Variants in BEGAIN observed in about 807,000 individuals in gnomAD.
The protein encoded by BEGAIN is brain enriched guanylate kinase associated.
Under a neutral mutation model 35.8 loss-of-function variants are expected in BEGAIN, and 19 were observed. The observed-to-expected ratio is 0.53, with a 90% CI of 0.37 to 0.78. BEGAIN has a LOEUF of 0.78. Among genes scored for constraint, BEGAIN ranks in the 30% least tolerant of loss-of-function variants. BEGAIN has a pLI of 0.00. For synonymous variants in BEGAIN, 462 were observed against 388.6 expected (o/e 1.19, Z -2.22); for missense variants, 795 against 853.6 (o/e 0.93, Z 0.85).
intron 6 of BEGAIN, 25 bp downstream of exon 6, chr14:100,540,471 G>T: frequency 1.3e-6 from 2 of 1,552,874 alleles, no homozygotes; most frequent in Non-Finnish European, 1.7e-6. Flanking sequence ...GGGGCGGGGT[G>T]GGCCTGGCTG....
At chr14:100,553,629 G>T (rs1595124846) in intron 2 of BEGAIN, among the ~76,000 whole-genome samples, 2 of 152,110 alleles carry the variant, frequency 1.3e-5, no homozygotes, top group Admixed American at 1.3e-4. Context: ...CCTTCTCTGT[G>T]TGTCCCCAGG....
intron 1 of BEGAIN, among the ~76,000 whole-genome samples, chr14:100,580,876 G>A (rs1465160718): frequency 6.6e-6 from 1 of 152,152 alleles, no homozygotes; most frequent in Non-Finnish European, 1.5e-5. Flanking sequence ...CCTGGTGTGG[G>A]CCTACTGTGA....
intron 5 of BEGAIN, 78 bp from the exon 6 acceptor site, chr14:100,540,657 G>A (rs2140451117): frequency 3.6e-6 from 4 of 1,124,466 alleles, no homozygotes; most frequent in South Asian, 2.7e-5. Context: ...CAAGTGGCCA[G>A]CGGGGGCAGT....
chr14:100,560,299 G>C (rs1341898993), intron 2 of BEGAIN, among the ~76,000 whole-genome samples: 1 of 152,230 alleles, frequency 6.6e-6, no homozygotes, highest in African/African-American at 2.4e-5. Flanking sequence ...CCTCAGAGCT[G>C]CTCCAGATGA....
At chr14:100,585,415 CCCATCCATCCATCCAT>C (rs71113272) in intron 1 of BEGAIN, among the ~76,000 whole-genome samples, 14 of 66,058 alleles carry the variant, frequency 2.1e-4, no homozygotes, top group South Asian at 8.8e-4. Context: ...CTCCCTCCCT[CCCATCCATCCATCCAT>C]CCATCCATCC....
intron 1 of BEGAIN, chr14:100,578,018 G>A: frequency 2.5e-6 from 1 of 398,840 alleles, no homozygotes; most frequent in Non-Finnish European, 4.4e-6. Context: ...TCCTCCCATG[G>A]GGCTGGGATC....
intron 1 of BEGAIN, chr14:100,569,179 A>G (rs72631667): frequency 0.2 from 30,689 of 153,022 alleles, 3,904 homozygotes; most frequent in East Asian, 0.57. Flanking sequence ...AGGCAGCTGG[A>G]CGAGGCGCTC....
At chr14:100,556,238 C>G (rs58854722) in intron 2 of BEGAIN, among the ~76,000 whole-genome samples, 1,728 of 152,278 alleles carry the variant, frequency 0.011, 33 homozygotes, top group African/African-American at 0.039. Context: ...GATGACCTGG[C>G]TGGCCGCGCC....
chr14:100,577,169 G>A (rs2035220487), intron 1 of BEGAIN: 2 of 397,580 alleles, frequency 5.0e-6, no homozygotes, highest in African/African-American at 2.1e-5. Context: ...TCACCTTAGA[G>A]ATTCATTCTT....
rs2034405471 is a variant in BEGAIN at position 100,563,030 on chromosome 14, GA to G, written c.71+4880del. The stretch of plus-strand genomic sequence containing the variant: ...ACTTGGGTGGGAGAGGGTGCCCTTT[GA>G]GGGGGGGCGTGGAGGGGCAGGGCAG... On this transcript the variant is annotated intron_variant, in intron 2 of 6. Coordinates refer to ENST00000554140, the MANE Select transcript of BEGAIN (RefSeq NM_001385089.1). The surrounding 1 kb of genome is among the most constrained non-coding windows in gnomAD (Gnocchi z 4.2). 1.3e-5 allele frequency among the ~76,000 whole-genome samples: 2 copies of G among 152,182 alleles called. No individual in the cohort carries two copies. Among genetic ancestry groups the G allele is most frequent in the African/African-American group, 4.8e-5 (2 of 41,440 alleles).
chr14:100,571,160 C>G (rs539110656), intron 1 of BEGAIN, among the ~76,000 whole-genome samples: 2 of 152,326 alleles, frequency 1.3e-5, no homozygotes, highest in East Asian at 3.9e-4. Flanking sequence ...CAACACACCT[C>G]TCCCCACCGT....
At chr14:100,576,652 G>A (rs1462875266) in intron 1 of BEGAIN, among the ~76,000 whole-genome samples, 1 of 152,194 alleles carries the variant, frequency 6.6e-6, no homozygotes, top group Admixed American at 6.5e-5. Context: ...ACCCTCCCTG[G>A]CCCAGGGGAC....
In BEGAIN at chr14:100,568,518, T is replaced by C. The variant is rs560355949; in HGVS notation, c.43-579A>G. On this transcript the variant is annotated intron_variant, in intron 1 of 6. Coordinates refer to ENST00000554140, the MANE Select transcript of BEGAIN (RefSeq NM_001385089.1). The surrounding 1 kb of genome is among the most constrained non-coding windows in gnomAD (Gnocchi z 7.5). ...CCCGCTGCCCTCAGATTCTGGGGTT[T>C]TGGGCCTGGCTTGCCCCTCCCGGGC... 4.7e-4 allele frequency: 608 copies of C among 1,286,796 alleles called. 7 individuals are homozygous for C. In the African/African-American group the frequency reaches 6.3e-3, roughly 13 times the overall value. The allele number at this position is 1,286,796 out of a possible 1,614,324, so 79.7% of individuals were successfully genotyped here. A position where few individuals can be genotyped will look rare whatever the true frequency, so the allele number is the denominator to read the frequency against.
In BEGAIN at chr14:100,568,857, C is replaced by G. The variant is rs1292697990; in HGVS notation, c.43-918G>C. 1.0e-6 allele frequency: 1 copy of G among 986,742 alleles called. No homozygotes were observed. The highest frequency in any genetic ancestry group is 1.2e-6 in the Non-Finnish European group (1 of 831,272). The allele number at this position is 986,742 out of a possible 1,614,324, so 61.1% of individuals were successfully genotyped here. ...GTCTTTCTGTGCCGTGACTGGCACT[C>G]AAGGGGGACAGGGGTCCGAGCTCAG... On this transcript the variant is annotated intron_variant, in intron 1 of 6. Transcript: ENST00000554140. This position sits in a 1 kb window ranked among gnomAD's most constrained non-coding sequence, Gnocchi z 7.5.
chr14:100,567,201 G>A lies in BEGAIN; in HGVS notation c.71+710C>T, dbSNP rs2034761988. On this transcript the variant is annotated intron_variant, in intron 2 of 6. Coordinates refer to ENST00000554140, the MANE Select transcript of BEGAIN (RefSeq NM_001385089.1). The surrounding 1 kb of genome is among the most constrained non-coding windows in gnomAD (Gnocchi z 5.1). ...ACGGGAGGGGTGTTCCCAAAGTAGG[G>A]GTCAGGGTGCCAGGGGAAGTCGTGG... is the stretch of plus-strand genomic sequence containing the variant. Among the ~76,000 whole-genome samples, 1 of 152,208 alleles carries A rather than the reference G, an allele frequency of 6.6e-6. No homozygotes were observed. The highest frequency in any genetic ancestry group is 6.5e-5 in the Admixed American group (1 of 15,286).
In BEGAIN at chr14:100,567,879, G is replaced by T; in HGVS notation, c.71+32C>A. 2 of 1,417,884 alleles carry T rather than the reference G, an allele frequency of 1.4e-6. No homozygotes were observed. Among genetic ancestry groups the T allele is most frequent in the Non-Finnish European group, 9.3e-7 (1 of 1,070,578 alleles). 87.8% of individuals were successfully genotyped at this position (1,417,884 alleles called of 1,614,324 possible). A position where few individuals can be genotyped will look rare whatever the true frequency, so the allele number is the denominator to read the frequency against. ...CGCCCTCACCCCCGACCCGGCCCCC[G>T]CGAGCCGCGGCACGGGAGACGCTCC... is the stretch of plus-strand genomic sequence containing the variant. On this transcript the variant is annotated intron_variant, in intron 2 of 6. Transcript: ENST00000554140. The surrounding 1 kb of genome is among the most constrained non-coding windows in gnomAD (Gnocchi z 5.1).
At chr14:100,571,915 C>T (rs1053869795) in intron 1 of BEGAIN, among the ~76,000 whole-genome samples, 8 of 152,186 alleles carry the variant, frequency 5.3e-5, no homozygotes, top group African/African-American at 1.4e-4. Context: ...TCTAAAGCAT[C>T]GGTGAGGCCC....
chr14:100,538,913 C>T lies in BEGAIN; in HGVS notation c.895G>A (p.Ala299Thr), dbSNP rs2031079736. The T allele has an allele frequency of 1.2e-6, 2 of 1,607,564 alleles. No individual in the cohort carries two copies. The highest frequency in any genetic ancestry group is 2.7e-5 in the African/African-American group (2 of 74,938). Reference protein sequence around the residue: ...EEEAEAAAFPAGFQHEAFPSY... With the variant: ...EEEAEAAAFPTGFQHEAFPSY... Reference sequence around the variant, plus strand: ...GGGAAGGCCTCATGCTGGAAGCCCGCCGGGAAGGCCGCCGCCTCGGCCTCC... The same window carrying T: ...GGGAAGGCCTCATGCTGGAAGCCCGTCGGGAAGGCCGCCGCCTCGGCCTCC... Residue 299 changes from alanine (A) to threonine (T), a missense_variant, in exon 7 of 7, where the codon GCG becomes ACG. Ala to Thr is a moderately conservative substitution (Grantham distance 58). Coordinates refer to ENST00000554140, the MANE Select transcript of BEGAIN (RefSeq NM_001385089.1).
rs747782267 is a variant in BEGAIN at position 100,558,325 on chromosome 14, GCAGCCAGGCA to G, written c.71+9576_71+9585del. Among the ~76,000 whole-genome samples, 167 of 152,250 alleles carry G rather than the reference GCAGCCAGGCA, an allele frequency of 1.1e-3. 1 individual carries two copies. Among genetic ancestry groups the G allele is most frequent in the Non-Finnish European group, 2.0e-3 (135 of 68,012 alleles). The stretch of plus-strand genomic sequence containing the variant: ...AGCCTTCACCTGACCTGCGCCCTCA[GCAGCCAGGCA>G]CATGCTGCCTCTCCCTGCTCCCGCA... On this transcript the variant is annotated intron_variant, in intron 2 of 6. Coordinates refer to ENST00000554140, the MANE Select transcript of BEGAIN (RefSeq NM_001385089.1). The surrounding 1 kb of genome is among the most constrained non-coding windows in gnomAD (Gnocchi z 4.6).
Sources: allele counts gnomAD v4.1 joint callset (sites outside exome capture counted in the v4.1 genomes callset), GRCh38; gene constraint gnomAD v4.1.1; non-coding constraint Gnocchi (gnomAD v3.1); transcripts MANE v1.5; gene names NCBI Gene and HGNC (gene_info 2026-07-23, HGNC 2026-07-21).